The following RETREG1 variants were observed in gnomAD, a reference collection of about 807,000 sequenced individuals.
RETREG1 encodes reticulophagy regulator 1.
Under a neutral mutation model 54.8 loss-of-function variants are expected in RETREG1, and 44 were observed. That is an observed-to-expected ratio of 0.80 (90% confidence interval 0.63 to 1.03). The LOEUF is 1.03. Ranked by LOEUF, RETREG1 falls within the 50% of genes least tolerant of loss-of-function variation. The pLI is 0.00. For missense variants in RETREG1, 554 were observed against 605.1 expected, an observed-to-expected ratio of 0.92 and a Z score of 0.89; for synonymous variants, 217 against 238.5, an observed-to-expected ratio of 0.91 and a Z score of 0.83.
intron 3 of RETREG1, among the ~76,000 whole-genome samples, chr5:16,500,840 A>T (rs1188104663): frequency 6.6e-6 from 1 of 152,166 alleles, no homozygotes; most frequent in Admixed American, 6.5e-5. Context: ...CAGATCCTCT[A>T]GACCAGACTA....
intron 8 of RETREG1, among the ~76,000 whole-genome samples, chr5:16,476,899 C>T (rs536509705): frequency 3.5e-4 from 54 of 152,184 alleles, no homozygotes; most frequent in African/African-American, 1.3e-3. Flanking sequence ...TACCCCTGAA[C>T]TTAAAAGTCA....
chr5:16,595,569 T>A (rs2126349131), intron 1 of RETREG1, among the ~76,000 whole-genome samples: 1 of 152,342 alleles, frequency 6.6e-6, no homozygotes, highest in East Asian at 1.9e-4. Flanking sequence ...CCAAAAATTC[T>A]TCCTATGAAA....
At chr5:16,616,550 C>T in intron 1 of RETREG1, 102 bp downstream of exon 1, 2 of 1,503,824 alleles carry the variant, frequency 1.3e-6, no homozygotes, top group Non-Finnish European at 1.8e-6. Flanking sequence ...AATTCTTCCT[C>T]CGCAGTGTCC....
chr5:16,608,681 C>A (rs1041277119), intron 1 of RETREG1, among the ~76,000 whole-genome samples: 2 of 152,090 alleles, frequency 1.3e-5, no homozygotes, highest in Non-Finnish European at 2.9e-5. Flanking sequence ...CCCCCTGGGC[C>A]CAGGTATACC....
At chr5:16,513,922 T>A (rs965210093) in intron 3 of RETREG1, among the ~76,000 whole-genome samples, 1 of 152,228 alleles carries the variant, frequency 6.6e-6, no homozygotes, top group African/African-American at 2.4e-5. Flanking sequence ...GTAACTCTAT[T>A]CTGACAGCAC....
At chr5:16,545,301 A>C (rs1741355048) in intron 3 of RETREG1, among the ~76,000 whole-genome samples, 1 of 152,180 alleles carries the variant, frequency 6.6e-6, no homozygotes, top group African/African-American at 2.4e-5. Flanking sequence ...TTAAGAAGCT[A>C]TGAGCTGGGG....
At chr5:16,484,266 A>C (rs1441403255) in intron 3 of RETREG1, among the ~76,000 whole-genome samples, 5 of 152,190 alleles carry the variant, frequency 3.3e-5, no homozygotes, top group African/African-American at 1.2e-4. Context: ...AGACACATGT[A>C]AATACATGTC....
At position 16,616,956 on chromosome 5, in the gene RETREG1, G is replaced by T. The variant is rs779538816; in HGVS notation, c.16C>A (p.Pro6Thr). The T allele has an allele frequency of 2.8e-6, 4 of 1,436,318 alleles. No individual in the cohort carries two copies. Among genetic ancestry groups the T allele is most frequent in the Non-Finnish European group, 1.8e-6 (2 of 1,097,494 alleles). 89.0% of individuals were successfully genotyped at this position (1,436,318 alleles called of 1,614,324 possible). MASPA[P>T]PEHAEEGCPA... ...CATCCCTCCTCGGCGTGCTCCGGAG[G>T]CGCCGGGCTCGCCATCTTCAGCTGT... Residue 6 changes from proline (P) to threonine (T), a missense_variant, in exon 1 of 9, where the codon CCT becomes ACT. This residue lies in a region of RETREG1 where 175 missense variants were observed against 142.1 expected (regional missense o/e 1.23). Transcript: ENST00000306320.
intron 3 of RETREG1, among the ~76,000 whole-genome samples, chr5:16,543,182 A>G (rs1015387674): frequency 6.6e-6 from 1 of 152,104 alleles, no homozygotes; most frequent in South Asian, 2.1e-4. Context: ...ACTCACTTTT[A>G]TTGTTGAGCA....
intron 1 of RETREG1, among the ~76,000 whole-genome samples, chr5:16,587,845 T>A (rs1742663557): frequency 2.0e-5 from 3 of 152,180 alleles, no homozygotes; most frequent in African/African-American, 7.2e-5. Context: ...GCCTGATCCT[T>A]CTCATTCCCC....
chr5:16,558,366 C>T (rs1287211680), intron 3 of RETREG1, among the ~76,000 whole-genome samples: 2 of 152,174 alleles, frequency 1.3e-5, no homozygotes, highest in Non-Finnish European at 2.9e-5. Flanking sequence ...TCAAGAAGGC[C>T]CTCAAAGATG....
At chr5:16,514,277 G>A (rs1740275698) in intron 3 of RETREG1, among the ~76,000 whole-genome samples, 1 of 152,082 alleles carries the variant, frequency 6.6e-6, no homozygotes, top group Non-Finnish European at 1.5e-5. Flanking sequence ...GGAATGAAGT[G>A]TTGAACCTTC....
chr5:16,553,525 T>C (rs1327706431), intron 3 of RETREG1, among the ~76,000 whole-genome samples: 4 of 152,136 alleles, frequency 2.6e-5, no homozygotes, highest in Admixed American at 2.6e-4. Flanking sequence ...TTATACCTTG[T>C]TTAAATATAT....
chr5:16,491,181 C>T (rs1050382835), intron 3 of RETREG1, among the ~76,000 whole-genome samples: 15 of 152,340 alleles, frequency 9.8e-5, no homozygotes, highest in Middle Eastern at 3.4e-3. Flanking sequence ...CATCCCATTA[C>T]GATACCCTGC....
chr5:16,474,687 T>G lies in RETREG1; in HGVS notation c.*54A>C. On this transcript the variant is annotated 3_prime_UTR_variant, in exon 9 of 9. Transcript: ENST00000306320. ...TCTTTTCCTTTTTTTTTTTTTTTTCTTGTTTGAAATTTTTTTGGTGTTTTT... is the reference window on the plus strand; with the variant it reads ...TCTTTTCCTTTTTTTTTTTTTTTTCGTGTTTGAAATTTTTTTGGTGTTTTT... 2.0e-6 allele frequency: 3 copies of G among 1,534,716 alleles called. No homozygotes were observed. Among genetic ancestry groups the G allele is most frequent in the Non-Finnish European group, 2.6e-6 (3 of 1,141,514 alleles).
intron 3 of RETREG1, among the ~76,000 whole-genome samples, chr5:16,530,101 G>T (rs564226028): frequency 4.6e-5 from 7 of 152,310 alleles, no homozygotes; most frequent in African/African-American, 1.7e-4. Flanking sequence ...CGCCTTGCAT[G>T]CTCATCTCCA....
chr5:16,614,541 C>T (rs539793621), intron 1 of RETREG1, among the ~76,000 whole-genome samples: 1 of 152,272 alleles, frequency 6.6e-6, no homozygotes, highest in South Asian at 2.1e-4. Flanking sequence ...TGTGGCAAAG[C>T]AGGCAGTCAT....
At chr5:16,505,541 G>A (rs1739918157) in intron 3 of RETREG1, among the ~76,000 whole-genome samples, 1 of 152,176 alleles carries the variant, frequency 6.6e-6, no homozygotes, top group Non-Finnish European at 1.5e-5. Flanking sequence ...GTGAAGCAAT[G>A]AACATGTGAA....
intron 3 of RETREG1, among the ~76,000 whole-genome samples, chr5:16,558,533 T>C (rs900114107): frequency 3.3e-5 from 5 of 152,218 alleles, no homozygotes; most frequent in African/African-American, 9.6e-5. Flanking sequence ...TTTAAACTCA[T>C]GAAGATGTGG....
Sources: gnomAD v4.1 joint callset for allele counts (sites outside exome capture counted in the v4.1 genomes callset) on GRCh38, gnomAD v4.1.1 for gene constraint, gnomAD v4.1.1 regional missense constraint, MANE v1.5 for transcripts, NCBI Gene and HGNC (gene_info 2026-07-23, HGNC 2026-07-21) for gene names.